The following ENOX1 variants were observed in gnomAD, a reference collection of about 807,000 sequenced individuals.
The protein encoded by ENOX1 is ecto-NOX disulfide-thiol exchanger 1.
A neutral mutation model predicts 82.5 loss-of-function variants in ENOX1; 42 were observed. The ratio of observed to expected loss-of-function variants is 0.51; its 90% CI spans 0.40 to 0.66. ENOX1 has a LOEUF of 0.66. Among genes scored for constraint, ENOX1 ranks in the 30% least tolerant of loss-of-function variants. The probability of loss-of-function intolerance (pLI) is 0.00; values close to 1 mark genes in which losing one functional copy is unlikely to be tolerated. For synonymous variants in ENOX1, 271 were observed against 282.2 expected, an observed-to-expected ratio of 0.96 and a Z score of 0.40; for missense variants, 608 against 811.6, an observed-to-expected ratio of 0.75 and a Z score of 3.05.
chr13:43,684,208 GA>G (rs2153799570), intron 1 of ENOX1, among the ~76,000 whole-genome samples: 1 of 151,776 alleles, frequency 6.6e-6, no homozygotes, highest in African/African-American at 2.4e-5. Context: ...AGCCGTTTAT[GA>G]AATTGTCTTA....
chr13:43,315,430 A>G (rs1181864996), intron 11 of ENOX1, among the ~76,000 whole-genome samples: 1 of 152,202 alleles, frequency 6.6e-6, no homozygotes, highest in Non-Finnish European at 1.5e-5. Context: ...ACGGAAAATC[A>G]GGAATAAATT....
At chr13:43,334,712 C>T (rs566731802) in intron 9 of ENOX1, among the ~76,000 whole-genome samples, 25 of 152,228 alleles carry the variant, frequency 1.6e-4, no homozygotes, top group East Asian at 7.7e-4. Flanking sequence ...GCAGAAGAAT[C>T]AAAGTGTCTG....
At position 43,391,349 on chromosome 13, in the gene ENOX1, T is replaced by C. The variant is rs190216045; in HGVS notation, c.208+20567A>G. Among the ~76,000 whole-genome samples the C allele has an allele frequency of 6.6e-5, 10 of 152,280 alleles. No homozygotes were observed. In the East Asian group the frequency reaches 1.9e-3, roughly 29 times the overall value. ...TGTTCCCTCTATTCTCTTTATGCCA[T>C]TTCCCTCATGCCCATGGTGCCAGTC... is the stretch of plus-strand genomic sequence containing the variant. On this transcript the variant is annotated intron_variant, in intron 5 of 16. Coordinates refer to ENST00000690772, the MANE Select transcript of ENOX1 (RefSeq NM_001347969.2).
At chr13:43,476,355 C>T (rs1362499233) in intron 3 of ENOX1, among the ~76,000 whole-genome samples, 2 of 151,916 alleles carry the variant, frequency 1.3e-5, no homozygotes, top group African/African-American at 2.4e-5. Flanking sequence ...CATCTGGAAC[C>T]TTTAACAACA....
At chr13:43,714,750 T>G (rs1331263487) in intron 1 of ENOX1, among the ~76,000 whole-genome samples, 3 of 152,206 alleles carry the variant, frequency 2.0e-5, no homozygotes, top group African/African-American at 7.2e-5. Context: ...TGCCTTTTTT[T>G]GTTTTCCATT....
At chr13:43,295,357 T>C (rs941325109) in intron 12 of ENOX1, among the ~76,000 whole-genome samples, 2 of 152,302 alleles carry the variant, frequency 1.3e-5, no homozygotes. Context: ...AAATTGTGAC[T>C]CACATGGTGC....
At chr13:43,492,117 C>T (rs147335187) in intron 2 of ENOX1, among the ~76,000 whole-genome samples, 5 of 152,286 alleles carry the variant, frequency 3.3e-5, no homozygotes, top group East Asian at 3.9e-4. Context: ...CACCCTATGG[C>T]GAGGCCCATT....
rs992196659 is a variant in ENOX1, at chr13:43,492,200, G to A, written c.-218-8048C>T. ...TTGGGCCCTTTATCTATTAGCCTAT[G>A]AGAAACTAAATCCTACCAACAACCA... On this transcript the variant is annotated intron_variant, in intron 2 of 16. Coordinates refer to ENST00000690772, the MANE Select transcript of ENOX1 (RefSeq NM_001347969.2). Among the ~76,000 whole-genome samples, 3 of 152,162 alleles carry A rather than the reference G, an allele frequency of 2.0e-5. 1 individual carries two copies. The highest frequency in any genetic ancestry group is 2.9e-5 in the Non-Finnish European group (2 of 68,036).
chr13:43,359,528 C>T (rs1238189574), intron 7 of ENOX1, among the ~76,000 whole-genome samples: 1 of 152,200 alleles, frequency 6.6e-6, no homozygotes. Flanking sequence ...GTACTTTACT[C>T]CTCCTAAGGA....
intron 11 of ENOX1, among the ~76,000 whole-genome samples, chr13:43,302,851 AAT>A (rs1340615211): frequency 6.6e-6 from 1 of 152,230 alleles, no homozygotes; most frequent in Non-Finnish European, 1.5e-5. Flanking sequence ...GCCTCAGAAA[AAT>A]AGTTAGCAAT....
intron 2 of ENOX1, among the ~76,000 whole-genome samples, chr13:43,601,567 C>T (rs2081723842): frequency 6.6e-6 from 1 of 151,996 alleles, no homozygotes; most frequent in Non-Finnish European, 1.5e-5. Context: ...AAGCCAAAAG[C>T]ACAAACCTAA....
chr13:43,397,211 T>C (rs2053210270), intron 5 of ENOX1, among the ~76,000 whole-genome samples: 2 of 152,240 alleles, frequency 1.3e-5, no homozygotes, highest in African/African-American at 4.8e-5. Flanking sequence ...CTAAATTGCC[T>C]TTTTCCTACC....
intron 1 of ENOX1, among the ~76,000 whole-genome samples, chr13:43,717,619 G>A: frequency 6.6e-6 from 1 of 152,138 alleles, no homozygotes; most frequent in East Asian, 1.9e-4. Flanking sequence ...TACAGAATGG[G>A]AGAAAATATT....
chr13:43,328,639 A>C (rs1235806172), intron 9 of ENOX1, among the ~76,000 whole-genome samples: 1 of 152,210 alleles, frequency 6.6e-6, no homozygotes, highest in Non-Finnish European at 1.5e-5. Flanking sequence ...ATGCACCTGG[A>C]GGAGTACAGA....
At chr13:43,519,647 A>C (rs2077686438) in intron 2 of ENOX1, among the ~76,000 whole-genome samples, 1 of 152,122 alleles carries the variant, frequency 6.6e-6, no homozygotes, top group African/African-American at 2.4e-5. Flanking sequence ...GGGCCACCCA[A>C]AGACCAGGAG....
chr13:43,474,347 A>G lies in ENOX1; in HGVS notation c.-75+9662T>C, dbSNP rs187306238. The stretch of plus-strand genomic sequence containing the variant: ...ACCCTAATTAAGGAGGCTTCCCTAT[A>G]TTAATTTTGTCTCTTATACAAGCAT... On this transcript the variant is annotated intron_variant, in intron 3 of 16. Transcript: ENST00000690772. Among the ~76,000 whole-genome samples, 6 of 152,236 alleles carry G rather than the reference A, an allele frequency of 3.9e-5. No homozygotes were observed. In the East Asian group the frequency reaches 1.2e-3, roughly 29 times the overall value.
At chr13:43,320,584 T>C (rs1012984773) in intron 11 of ENOX1, among the ~76,000 whole-genome samples, 6 of 152,164 alleles carry the variant, frequency 3.9e-5, no homozygotes, top group African/African-American at 1.4e-4. Flanking sequence ...ATTCTGGTCC[T>C]ATCCTAAGCA....
intron 2 of ENOX1, among the ~76,000 whole-genome samples, chr13:43,555,268 A>C (rs1243859959): frequency 6.6e-6 from 1 of 152,262 alleles, no homozygotes; most frequent in African/African-American, 2.4e-5. Context: ...GACAACTAGC[A>C]TCAGCCGTAT....
chr13:43,713,565 C>G (rs552861497), intron 1 of ENOX1, among the ~76,000 whole-genome samples: 1 of 152,096 alleles, frequency 6.6e-6, no homozygotes, highest in Non-Finnish European at 1.5e-5. Context: ...GGTTGGCAAG[C>G]TATTGATTAT....
Sources: allele counts gnomAD v4.1 joint callset (sites outside exome capture counted in the v4.1 genomes callset), GRCh38; gene constraint gnomAD v4.1.1; transcripts MANE v1.5; gene names NCBI Gene and HGNC (gene_info 2026-07-23, HGNC 2026-07-21).